The following SV2C variants were observed in gnomAD, a reference collection of about 807,000 sequenced individuals.
The protein encoded by SV2C is synaptic vesicle glycoprotein 2C, also known as solute carrier family 22 member B3.
SV2C carries 49 observed loss-of-function variants against 79.7 expected under a neutral mutation model. The observed-to-expected ratio is 0.61, with a 90% CI of 0.49 to 0.78. The LOEUF (loss-of-function observed/expected upper bound fraction) is 0.78, where lower values mean the gene tolerates loss of function less well. Ranked by LOEUF, SV2C falls within the 30% of genes least tolerant of loss-of-function variation. The probability of loss-of-function intolerance (pLI) is 0.00; values close to 1 mark genes in which losing one functional copy is unlikely to be tolerated. For synonymous variants in SV2C, 334 were observed against 333.2 expected (o/e 1.00, Z -0.03); for missense variants, 833 against 912.9 (o/e 0.91, Z 1.13).
chr5:76,233,754 G>A (rs1168112521), intron 4 of SV2C, among the ~76,000 whole-genome samples: 10 of 149,454 alleles, frequency 6.7e-5, no homozygotes, highest in African/African-American at 1.3e-4. Context: ...ATTGATTTGC[G>A]TATATTGAAC....
chr5:76,251,912 A>G (rs1316565470), intron 4 of SV2C, among the ~76,000 whole-genome samples: 5 of 152,226 alleles, frequency 3.3e-5, no homozygotes, highest in Non-Finnish European at 5.9e-5. Context: ...TAACACTGAC[A>G]TAGAATTTGA....
downstream of SV2C, among the ~76,000 whole-genome samples, chr5:76,337,734 A>T (rs887230436): frequency 6.6e-6 from 1 of 152,178 alleles, no homozygotes; most frequent in Admixed American, 6.6e-5. Context: ...ATTCTGGGGG[A>T]GACCTCAGGG....
chr5:75,955,163 A>G, the SV2C span, among the ~76,000 whole-genome samples: 1 of 151,734 alleles, frequency 6.6e-6, no homozygotes, highest in East Asian at 1.9e-4. Context: ...GGCTACAGTA[A>G]CCAAAACAAC....
At chr5:75,980,173 T>C in the SV2C span, among the ~76,000 whole-genome samples, 1 of 152,100 alleles carries the variant, frequency 6.6e-6, no homozygotes, top group Middle Eastern at 3.2e-3. Flanking sequence ...CCAGGAATAA[T>C]TGAATCCCTG....
chr5:76,222,478 T>C (rs577277342), intron 4 of SV2C, among the ~76,000 whole-genome samples: 1 of 152,128 alleles, frequency 6.6e-6, no homozygotes, highest in East Asian at 1.9e-4. Flanking sequence ...TGTATGACTA[T>C]AAAGGAGTTG....
At chr5:76,250,539 A>G (rs929284177) in intron 4 of SV2C, among the ~76,000 whole-genome samples, 44 of 152,334 alleles carry the variant, frequency 2.9e-4, no homozygotes, top group Admixed American at 9.2e-4. Context: ...TACTAGAGGA[A>G]AGGTGCTATG....
chr5:76,323,056 A>G (rs1748882254), intron 12 of SV2C, among the ~76,000 whole-genome samples: 1 of 152,250 alleles, frequency 6.6e-6, no homozygotes, highest in Non-Finnish European at 1.5e-5. Context: ...TAAACTAAAG[A>G]TCTTCAGCAC....
At chr5:75,936,729 C>T in the SV2C span, among the ~76,000 whole-genome samples, 2 of 152,164 alleles carry the variant, frequency 1.3e-5, no homozygotes, top group Admixed American at 6.5e-5. Context: ...CTTCATTTTG[C>T]TTTATACCTT....
intron 1 of SV2C, among the ~76,000 whole-genome samples, chr5:76,123,778 G>A (rs1421089207): frequency 6.6e-6 from 1 of 152,112 alleles, no homozygotes; most frequent in African/African-American, 2.4e-5. Context: ...CACACTTTGA[G>A]AACCACTACT....
chr5:76,254,190 G>A (rs199723534), intron 4 of SV2C, among the ~76,000 whole-genome samples: 3 of 145,396 alleles, frequency 2.1e-5, no homozygotes, highest in Admixed American at 6.8e-5. Context: ...ATGTGTGTGT[G>A]TATATATATA....
upstream of SV2C, chr5:76,079,505 G>A (rs1394233236): frequency 1.0e-5 from 3 of 287,672 alleles, no homozygotes; most frequent in Non-Finnish European, 7.1e-6. Flanking sequence ...TTTGACAGCT[G>A]TTCCAATCTC....
chr5:76,089,914 A>T (rs940962770), intron 1 of SV2C, among the ~76,000 whole-genome samples: 1 of 152,210 alleles, frequency 6.6e-6, no homozygotes, highest in Non-Finnish European at 1.5e-5. Context: ...AATATACGCA[A>T]AGCTCCTAGC....
the SV2C span, among the ~76,000 whole-genome samples, chr5:75,967,352 A>G: frequency 1.3e-5 from 2 of 152,176 alleles, no homozygotes; most frequent in South Asian, 4.1e-4. Flanking sequence ...TGCACTGTGC[A>G]TGAGCCGAAG....
At chr5:75,974,516 T>A in the SV2C span, among the ~76,000 whole-genome samples, 1 of 152,056 alleles carries the variant, frequency 6.6e-6, no homozygotes, top group Non-Finnish European at 1.5e-5. Context: ...TGAATAACAG[T>A]CACTACCCAT....
chr5:76,227,167 AG>A lies in SV2C; in HGVS notation c.913+17281del, dbSNP rs1280125220. ...TTTCAGAAACATTATCTCATGATGCAGATAAGATAAAAGCCAAACTGCATGA... is the reference window on the plus strand; with the variant it reads ...TTTCAGAAACATTATCTCATGATGCAATAAGATAAAAGCCAAACTGCATGA... On this transcript the variant is annotated intron_variant, in intron 4 of 12. Transcript: ENST00000502798. 3.0e-4 allele frequency among the ~76,000 whole-genome samples: 10 copies of A among 33,878 alleles called. 1 individual carries two copies. The East Asian group carries it at 7.9e-3, about 27-fold the overall frequency. 22.2% of individuals were successfully genotyped at this position (33,878 alleles called of 152,430 possible). A position where few individuals can be genotyped will look rare whatever the true frequency, so the allele number is the denominator to read the frequency against.
At chr5:76,022,558 G>A in the SV2C span, among the ~76,000 whole-genome samples, 1 of 152,166 alleles carries the variant, frequency 6.6e-6, no homozygotes, top group African/African-American at 2.4e-5. Context: ...AGCCATAGCA[G>A]GGTCATAAAC....
At chr5:76,336,706 C>G (rs1216803294), downstream of SV2C, among the ~76,000 whole-genome samples, 1 of 152,184 alleles carries the variant, frequency 6.6e-6, no homozygotes, top group African/African-American at 2.4e-5. Context: ...GCCCGGCCAA[C>G]ACAGCGAAAC....
chr5:75,926,957 G>T, the SV2C span, among the ~76,000 whole-genome samples: 8 of 152,324 alleles, frequency 5.3e-5, no homozygotes, highest in African/African-American at 1.9e-4. Context: ...TTGAGGTTCA[G>T]AATGGGCTCT....
At chr5:76,015,269 GCACAGTCCC>G in the SV2C span, among the ~76,000 whole-genome samples, 1 of 152,124 alleles carries the variant, frequency 6.6e-6, no homozygotes, top group Non-Finnish European at 1.5e-5. Context: ...CTTATGTGGA[GCACAGTCCC>G]CACTAACTCC....
Sources: allele counts gnomAD v4.1 joint callset (sites outside exome capture counted in the v4.1 genomes callset), GRCh38; gene constraint gnomAD v4.1.1; transcripts MANE v1.5; gene names NCBI Gene and HGNC (gene_info 2026-07-23, HGNC 2026-07-21).